The following FNIP1 variants were observed in gnomAD, a reference collection of about 807,000 sequenced individuals.
FNIP1 encodes folliculin interacting protein 1.
In FNIP1, 40 loss-of-function variants were observed where a neutral mutation model predicts 124.5. That is an observed-to-expected ratio of 0.32 (90% CI 0.25 to 0.42). FNIP1 has a LOEUF of 0.42. FNIP1 is among the 10% of genes least tolerant of loss of function. The pLI is 1.00. For synonymous variants in FNIP1, 472 were observed against 470.6 expected, an observed-to-expected ratio of 1.00 and a Z score of -0.04; for missense variants, 1,176 against 1,403.7, an observed-to-expected ratio of 0.84 and a Z score of 2.59.
In FNIP1 at chr5:131,796,955, G is replaced by A. The variant is rs1220651560; in HGVS notation, c.-34C>T. 4 of 1,564,878 alleles carry A rather than the reference G, an allele frequency of 2.6e-6. No homozygotes were observed. Among genetic ancestry groups the A allele is most frequent in the Non-Finnish European group, 3.5e-6 (4 of 1,153,386 alleles). Reference sequence around the variant, plus strand: ...CGGCCAGGCAGGGGTCGCTCCGCTGGGCGCTTGCTAGGCCCCTGCTCCTAC... The same window carrying A: ...CGGCCAGGCAGGGGTCGCTCCGCTGAGCGCTTGCTAGGCCCCTGCTCCTAC... On this transcript the variant is annotated 5_prime_UTR_variant, in exon 1 of 18. Transcript: ENST00000510461.
intron 1 of FNIP1, among the ~76,000 whole-genome samples, chr5:131,785,009 T>TATATATATC (rs1772120215): frequency 8.1e-5 from 2 of 24,842 alleles, no homozygotes; most frequent in Non-Finnish European, 3.1e-4. Context: ...TATATATGAC[T>TATATATATC]ATATATATGA....
intron 1 of FNIP1, among the ~76,000 whole-genome samples, chr5:131,764,853 G>A (rs1042818509): frequency 3.3e-5 from 5 of 152,026 alleles, no homozygotes; most frequent in African/African-American, 1.2e-4. Flanking sequence ...GAAAATGGCT[G>A]TTATACTGCT....
intron 3 of FNIP1, among the ~76,000 whole-genome samples, chr5:131,724,521 T>C (rs764512998): frequency 2.0e-5 from 3 of 152,222 alleles, no homozygotes; most frequent in Non-Finnish European, 4.4e-5. Flanking sequence ...TTGAGAAGTG[T>C]CTGTTTGTAT....
At chr5:131,661,076 A>T (rs1580733872) in intron 15 of FNIP1, among the ~76,000 whole-genome samples, 1 of 152,172 alleles carries the variant, frequency 6.6e-6, no homozygotes, top group East Asian at 1.9e-4. Context: ...GCTCTCCCTA[A>T]TCAGTAGGAA....
At chr5:131,647,414 G>A (rs1449688935) in intron 16 of FNIP1, among the ~76,000 whole-genome samples, 4 of 58,528 alleles carry the variant, frequency 6.8e-5, no homozygotes, top group Non-Finnish European at 1.5e-4. Flanking sequence ...CTTCTACAGC[G>A]TCTTTTTTTT....
intron 16 of FNIP1, among the ~76,000 whole-genome samples, chr5:131,648,319 A>G (rs1335951010): frequency 6.6e-6 from 1 of 152,012 alleles, no homozygotes; most frequent in South Asian, 2.1e-4. Context: ...ACAAAAAAAA[A>G]AAAACCTGAA....
intron 15 of FNIP1, among the ~76,000 whole-genome samples, chr5:131,662,219 C>T (rs1767462630): frequency 6.6e-6 from 1 of 152,098 alleles, no homozygotes; most frequent in Non-Finnish European, 1.5e-5. Context: ...CTTTTGCTAT[C>T]TTAAGCCCAT....
chr5:131,736,724 T>C (rs371089056), intron 2 of FNIP1, among the ~76,000 whole-genome samples: 2 of 152,366 alleles, frequency 1.3e-5, no homozygotes, highest in East Asian at 3.9e-4. Flanking sequence ...GATCCTTTTG[T>C]TCTGTAGGAT....
At chr5:131,658,907 CAAAAAAAAA>C (rs70974003) in intron 15 of FNIP1, among the ~76,000 whole-genome samples, 12,555 of 41,410 alleles carry the variant, frequency 0.3, 783 homozygotes, top group South Asian at 0.45. Context: ...TGGGTCTAGC[CAAAAAAAAA>C]AAAAAAAAAA....
At chr5:131,654,250 C>T (rs1461987886) in intron 15 of FNIP1, among the ~76,000 whole-genome samples, 3 of 152,240 alleles carry the variant, frequency 2.0e-5, no homozygotes, top group African/African-American at 7.2e-5. Context: ...GTGACCCTAC[C>T]TTTAATATTT....
chr5:131,677,992 AAGG>A (rs1767960342), intron 12 of FNIP1, 120 bp from the exon 13 acceptor site: 3 of 909,234 alleles, frequency 3.3e-6, no homozygotes, highest in East Asian at 2.6e-5. Context: ...GCACCAAAAA[AAGG>A]AGAAGAGAGA....
chr5:131,730,779 C>T, intron 3 of FNIP1, 125 bp downstream of exon 3: 1 of 661,402 alleles, frequency 1.5e-6, no homozygotes, highest in Non-Finnish European at 2.4e-6. Context: ...TTATCTGTCT[C>T]TCCAGCTTCA....
At chr5:131,678,410 T>G (rs536784954) in intron 12 of FNIP1, among the ~76,000 whole-genome samples, 17 of 152,158 alleles carry the variant, frequency 1.1e-4, no homozygotes, top group Non-Finnish European at 1.9e-4. Context: ...TATATGTTTT[T>G]TTTGTTTGTT....
intron 15 of FNIP1, among the ~76,000 whole-genome samples, chr5:131,665,871 G>A (rs1039929181): frequency 6.6e-6 from 1 of 150,558 alleles, no homozygotes; most frequent in African/African-American, 2.4e-5. Flanking sequence ...TTACAGGCGT[G>A]AGCCACAGCG....
chr5:131,720,625 G>A (rs903801242), intron 3 of FNIP1, among the ~76,000 whole-genome samples: 2 of 152,054 alleles, frequency 1.3e-5, no homozygotes, highest in African/African-American at 4.8e-5. Context: ...ATCTGATAAG[G>A]GATTTGGCTT....
intron 2 of FNIP1, among the ~76,000 whole-genome samples, chr5:131,740,418 C>T (rs1189254346): frequency 6.6e-6 from 1 of 152,176 alleles, no homozygotes; most frequent in East Asian, 1.9e-4. Context: ...CTGTAATCAT[C>T]TTTCCAAAGT....
rs867411467 is a variant in FNIP1, at chr5:131,718,898, T to C, written c.530+88A>G. The C allele has an allele frequency of 9.7e-5, 101 of 1,045,376 alleles. 1 individual carries two copies. In the Middle Eastern group the frequency reaches 2.5e-3, roughly 26 times the overall value. 64.8% of individuals were successfully genotyped at this position (1,045,376 alleles called of 1,614,324 possible). A position where few individuals can be genotyped will look rare whatever the true frequency, so the allele number is the denominator to read the frequency against. ...TAAGGAAAGACAGAAAATCTGAACT[T>C]GTGCTGCAGTCCTAAAAGCAGTTGG... On this transcript the variant is annotated intron_variant, in intron 5 of 17. Transcript: ENST00000510461.
chr5:131,733,183 T>C (rs1187163186), intron 2 of FNIP1, among the ~76,000 whole-genome samples: 3 of 152,226 alleles, frequency 2.0e-5, no homozygotes, highest in African/African-American at 7.2e-5. Context: ...TGATTTTGTA[T>C]CCTGAGACTT....
chr5:131,706,635 G>A, intron 8 of FNIP1, 89 bp from the exon 9 acceptor site: 1 of 1,293,916 alleles, frequency 7.7e-7, no homozygotes. Flanking sequence ...AATAGGTTAA[G>A]TTAAACTTTA....
Sources: gnomAD v4.1 joint callset for allele counts (sites outside exome capture counted in the v4.1 genomes callset) on GRCh38, gnomAD v4.1.1 for gene constraint, MANE v1.5 for transcripts, NCBI Gene and HGNC (gene_info 2026-07-23, HGNC 2026-07-21) for gene names.